NCAM2: variants seen among roughly 807,000 people sequenced by gnomAD.
NCAM2 encodes the protein neural cell adhesion molecule 2.
NCAM2 carries 30 observed loss-of-function variants against 98.1 expected under a neutral mutation model. The ratio of observed to expected loss-of-function variants is 0.31; its 90% CI spans 0.23 to 0.41. The LOEUF is 0.41. Ranked by LOEUF, NCAM2 falls within the 10% of genes least tolerant of loss-of-function variation. The pLI is 1.00. For synonymous variants in NCAM2, 368 were observed against 342.4 expected (o/e 1.07, Z -0.83); for missense variants, 867 against 1,005.8 (o/e 0.86, Z 1.87).
intron 12 of NCAM2, among the ~76,000 whole-genome samples, chr21:21,452,970 A>T (rs1476475660): frequency 1.2e-4 from 2 of 16,244 alleles, no homozygotes; most frequent in African/African-American, 6.2e-4. Context: ...TATATTATAT[A>T]TTATTATATA....
rs1156588500 is a variant in NCAM2, at chr21:21,479,583, C to CAAAAAAAAAAAAAAAAAAAAA, written c.2077+2117_2077+2137dup. On this transcript the variant is annotated intron_variant, in intron 15 of 17. Transcript: ENST00000400546. ...TGGGAGACAGAGCGAGACTGCGTCTCAAAAAAAAAAAAAAAAAAAAAAAAA... is the reference window on the plus strand; with the variant it reads ...TGGGAGACAGAGCGAGACTGCGTCTCAAAAAAAAAAAAAAAAAAAAAAAAAAAAAAAAAAAAAAAAAAAAAA... Among the ~76,000 whole-genome samples the CAAAAAAAAAAAAAAAAAAAAA allele has an allele frequency of 2.3e-3, 72 of 30,950 alleles. 2 individuals are homozygous for CAAAAAAAAAAAAAAAAAAAAA. Among genetic ancestry groups the CAAAAAAAAAAAAAAAAAAAAA allele is most frequent in the Non-Finnish European group, 3.8e-3 (56 of 14,880 alleles). 20.3% of individuals were successfully genotyped at this position (30,950 alleles called of 152,430 possible).
chr21:21,523,136 G>T (rs1370229107), intron 16 of NCAM2, among the ~76,000 whole-genome samples: 1 of 152,052 alleles, frequency 6.6e-6, no homozygotes, highest in African/African-American at 2.4e-5. Flanking sequence ...TATTCTGCAA[G>T]TTGTCTCTTC....
chr21:21,184,265 A>G (rs1226457329), intron 1 of NCAM2, among the ~76,000 whole-genome samples: 1 of 152,048 alleles, frequency 6.6e-6, no homozygotes, highest in Admixed American at 6.6e-5. Flanking sequence ...GGGAAATGCT[A>G]GTGACTTCAC....
chr21:21,241,664 A>G (rs1199735375), intron 1 of NCAM2, among the ~76,000 whole-genome samples: 3 of 152,106 alleles, frequency 2.0e-5, no homozygotes, highest in Admixed American at 1.3e-4. Flanking sequence ...CAGGTTGTAA[A>G]GGGCTTATTC....
intron 1 of NCAM2, among the ~76,000 whole-genome samples, chr21:21,211,045 T>C (rs1379795454): frequency 6.6e-6 from 1 of 150,556 alleles, no homozygotes; most frequent in Non-Finnish European, 1.5e-5. Flanking sequence ...ATCAAGTGTT[T>C]CCACCAGCAA....
chr21:21,086,082 C>T (rs933463536), intron 1 of NCAM2, among the ~76,000 whole-genome samples: 3 of 152,144 alleles, frequency 2.0e-5, no homozygotes, highest in Admixed American at 2.0e-4. Flanking sequence ...TGAAGGCTTT[C>T]CCATGTGACT....
At chr21:21,241,444 A>G (rs894581897) in intron 1 of NCAM2, among the ~76,000 whole-genome samples, 1 of 152,170 alleles carries the variant, frequency 6.6e-6, no homozygotes, top group Non-Finnish European at 1.5e-5. Flanking sequence ...TAACTTCTGT[A>G]TTTTATAAAT....
intron 9 of NCAM2, among the ~76,000 whole-genome samples, chr21:21,377,084 A>G (rs1180498250): frequency 6.6e-6 from 1 of 151,758 alleles, no homozygotes; most frequent in Non-Finnish European, 1.5e-5. Flanking sequence ...ATAACACTTG[A>G]TCATTTTTCC....
chr21:21,376,316 A>T (rs577729281), intron 9 of NCAM2, among the ~76,000 whole-genome samples: 44 of 151,786 alleles, frequency 2.9e-4, no homozygotes, highest in African/African-American at 1.0e-3. Flanking sequence ...ATGTTGTAAA[A>T]CCTCACTGAA....
At position 21,543,212 on chromosome 21, in the gene NCAM2, A is replaced by G. The variant is rs146316813; in HGVS notation, c.*5255A>G. 2.0e-5 allele frequency: 3 copies of G among 152,076 alleles called. No individual in the cohort carries two copies. The highest frequency in any genetic ancestry group is 2.9e-5 in the Non-Finnish European group (2 of 67,880). 9.4% of individuals were successfully genotyped at this position (152,076 alleles called of 1,614,324 possible). A position where few individuals can be genotyped will look rare whatever the true frequency, so the allele number is the denominator to read the frequency against. ...TATATATGTCTAAACTGTAAAAATT[A>G]TACTGCAAATGTTGAAGTTTTGTAT... On this transcript the variant is annotated 3_prime_UTR_variant, in exon 18 of 18. Coordinates refer to ENST00000400546, the MANE Select transcript of NCAM2 (RefSeq NM_004540.5).
chr21:21,423,549 T>C (rs1199807831), intron 11 of NCAM2, among the ~76,000 whole-genome samples: 6 of 152,188 alleles, frequency 3.9e-5, no homozygotes, highest in Non-Finnish European at 8.8e-5. Flanking sequence ...ACATTATACT[T>C]CTATTAAATA....
chr21:21,442,700 A>G (rs1979483095), intron 12 of NCAM2, among the ~76,000 whole-genome samples: 1 of 152,154 alleles, frequency 6.6e-6, no homozygotes, highest in Admixed American at 6.6e-5. Context: ...AGACTGAGCC[A>G]TTGTCTGGTT....
chr21:21,522,204 TATG>T (rs1358152004), intron 16 of NCAM2, among the ~76,000 whole-genome samples: 5 of 148,096 alleles, frequency 3.4e-5, no homozygotes, highest in African/African-American at 1.2e-4. Context: ...TATATATGAA[TATG>T]ATTATATATG....
At chr21:21,420,738 A>G (rs1239921052) in intron 11 of NCAM2, among the ~76,000 whole-genome samples, 1 of 151,958 alleles carries the variant, frequency 6.6e-6, no homozygotes, top group Non-Finnish European at 1.5e-5. Context: ...TACTGCATTG[A>G]TAGAGAAGGG....
At chr21:21,442,471 A>G (rs1979446832) in intron 12 of NCAM2, among the ~76,000 whole-genome samples, 1 of 152,190 alleles carries the variant, frequency 6.6e-6, no homozygotes, top group Admixed American at 6.5e-5. Context: ...AACTAGGTGC[A>G]TCTTGTTTGG....
At chr21:21,325,093 A>T (rs2074479172) in intron 6 of NCAM2, among the ~76,000 whole-genome samples, 1 of 152,074 alleles carries the variant, frequency 6.6e-6, no homozygotes, top group Non-Finnish European at 1.5e-5. Context: ...GAATATTTTT[A>T]AAATATTCCA....
intron 1 of NCAM2, among the ~76,000 whole-genome samples, chr21:21,057,089 TATTGAAAG>T (rs2065227402): frequency 6.6e-6 from 1 of 152,022 alleles, no homozygotes; most frequent in South Asian, 2.1e-4. Context: ...ACCACTATAG[TATTGAAAG>T]ATTGAAAGAA....
At chr21:21,093,009 T>A (rs962577672) in intron 1 of NCAM2, among the ~76,000 whole-genome samples, 16 of 92 alleles carry the variant, frequency 0.17, no homozygotes, top group African/African-American at 0.42. Context: ...AATTTTCTCA[T>A]GAGCTTTCAT....
chr21:21,270,814 T>G (rs1341956862), intron 1 of NCAM2, among the ~76,000 whole-genome samples: 2 of 152,162 alleles, frequency 1.3e-5, no homozygotes, highest in African/African-American at 4.8e-5. Flanking sequence ...TTTGATTTTT[T>G]TTTCAGTTCT....
Sources: gnomAD v4.1 joint callset for allele counts (sites outside exome capture counted in the v4.1 genomes callset) on GRCh38, gnomAD v4.1.1 for gene constraint, MANE v1.5 for transcripts, NCBI Gene and HGNC (gene_info 2026-07-23, HGNC 2026-07-21) for gene names.